PEPD: variants seen among roughly 807,000 people sequenced by gnomAD.
PEPD encodes the protein xaa-Pro dipeptidase.
PEPD carries 53 observed loss-of-function variants against 60.7 expected under a neutral mutation model. The ratio of observed to expected loss-of-function variants is 0.87; its 90% CI spans 0.70 to 1.10. PEPD has a LOEUF of 1.10. PEPD is among the 50% of genes least tolerant of loss of function. PEPD has a pLI of 0.00. For synonymous variants in PEPD, 267 were observed against 284.1 expected, an observed-to-expected ratio of 0.94 and a Z score of 0.60; for missense variants, 711 against 711.9, an observed-to-expected ratio of 1.00 and a Z score of 0.01.
At chr19:33,395,424 C>A (rs979905738) in intron 12 of PEPD, among the ~76,000 whole-genome samples, 1 of 152,202 alleles carries the variant, frequency 6.6e-6, no homozygotes. Context: ...ATCCCCCACT[C>A]CTCTGTGTAC....
At chr19:33,421,391 C>T (rs893953951) in intron 9 of PEPD, among the ~76,000 whole-genome samples, 3 of 152,224 alleles carry the variant, frequency 2.0e-5, no homozygotes, top group East Asian at 1.9e-4. Flanking sequence ...CAGCCTAGCC[C>T]GGTCCAGCGC....
At chr19:33,406,984 C>G (rs957513464) in intron 11 of PEPD, among the ~76,000 whole-genome samples, 9 of 152,182 alleles carry the variant, frequency 5.9e-5, no homozygotes, top group Non-Finnish European at 1.3e-4. Context: ...AGGGGTGAGG[C>G]CTGGCCCATC....
At position 33,406,841 on chromosome 19, in the gene PEPD, T is replaced by C. The variant is rs117590587; in HGVS notation, c.818+4831A>G. On this transcript the variant is annotated intron_variant, in intron 11 of 14. Coordinates refer to ENST00000244137, the MANE Select transcript of PEPD (RefSeq NM_000285.4). ...GCCTGCAGGGTCGAGGTCTCGCCATTATCTAGCCAGGGAAGGAGGGGAAGA... is the reference window on the plus strand; with the variant it reads ...GCCTGCAGGGTCGAGGTCTCGCCATCATCTAGCCAGGGAAGGAGGGGAAGA... 5.5e-3 allele frequency among the ~76,000 whole-genome samples: 831 copies of C among 152,082 alleles called. 49 individuals are homozygous for C. In the East Asian group the frequency reaches 0.14, roughly 26 times the overall value.
At chr19:33,465,596 G>A (rs539684264) in intron 7 of PEPD, among the ~76,000 whole-genome samples, 1 of 152,202 alleles carries the variant, frequency 6.6e-6, no homozygotes, top group Non-Finnish European at 1.5e-5. Flanking sequence ...CGCAGCCCAA[G>A]CCTGCTCCCT....
chr19:33,443,100 C>T (rs1267050061), intron 9 of PEPD, among the ~76,000 whole-genome samples: 4 of 152,360 alleles, frequency 2.6e-5, no homozygotes, highest in East Asian at 3.9e-4. Flanking sequence ...TTCTCCCCCA[C>T]GGTCCTGGAA....
At chr19:33,500,200 G>A (rs1291321124) in intron 4 of PEPD, among the ~76,000 whole-genome samples, 5 of 152,354 alleles carry the variant, frequency 3.3e-5, no homozygotes, top group Middle Eastern at 3.4e-3. Flanking sequence ...TGCACAGGAC[G>A]TGGGGTTGTG....
At chr19:33,498,244 C>T (rs994231050) in intron 4 of PEPD, among the ~76,000 whole-genome samples, 1 of 152,128 alleles carries the variant, frequency 6.6e-6, no homozygotes. Context: ...TGACGGGGTG[C>T]GGTGGGGTGC....
intron 13 of PEPD, among the ~76,000 whole-genome samples, chr19:33,390,544 G>A (rs1237685460): frequency 2.0e-5 from 3 of 152,194 alleles, no homozygotes; most frequent in Admixed American, 6.5e-5. Context: ...GCCCCAGGGC[G>A]TGCACGATTG....
chr19:33,407,416 G>C (rs1300476701), intron 11 of PEPD, among the ~76,000 whole-genome samples: 1 of 152,184 alleles, frequency 6.6e-6, no homozygotes, highest in Non-Finnish European at 1.5e-5. Context: ...GTGGAAGGAG[G>C]GGGCAGCACA....
At chr19:33,391,619 A>C in intron 12 of PEPD, 140 bp from the exon 13 acceptor site, 1 of 777,336 alleles carries the variant, frequency 1.3e-6, no homozygotes, top group Non-Finnish European at 2.2e-6. Flanking sequence ...AGGGTACTAC[A>C]TCGGGGGCCC....
At chr19:33,488,648 G>C (rs960109479) in intron 6 of PEPD, among the ~76,000 whole-genome samples, 1 of 152,148 alleles carries the variant, frequency 6.6e-6, no homozygotes, top group African/African-American at 2.4e-5. Flanking sequence ...AGGAGGACAC[G>C]AAGATCTGTG....
At chr19:33,496,189 G>A (rs1390128107) in intron 4 of PEPD, among the ~76,000 whole-genome samples, 2 of 152,182 alleles carry the variant, frequency 1.3e-5, no homozygotes, top group African/African-American at 4.8e-5. Context: ...AAAGCCAGGA[G>A]GCACTTGGGG....
At position 33,387,192 on chromosome 19, in the gene PEPD, G is replaced by GAAAC; in HGVS notation, c.*148_*151dup. The GAAAC allele has an allele frequency of 1.2e-6, 1 of 855,660 alleles. No homozygotes were observed. The highest frequency in any genetic ancestry group is 1.6e-5 in the South Asian group (1 of 62,802). 53.0% of individuals were successfully genotyped at this position (855,660 alleles called of 1,614,324 possible). On this transcript the variant is annotated 3_prime_UTR_variant, in exon 15 of 15. Transcript: ENST00000244137. ...AATTAAAAAAGTGTTTCCTCCCCGG[G>GAAAC]AAACAGCACTGTTTGGTCTGATCAA...
At position 33,394,249 on chromosome 19, in the gene PEPD, G is replaced by A. The variant is rs534512545; in HGVS notation, c.968-2770C>T. On this transcript the variant is annotated intron_variant, in intron 12 of 14. Coordinates refer to ENST00000244137, the MANE Select transcript of PEPD (RefSeq NM_000285.4). ...TCTCTGGTCACCAAAGGGGAGCCCC[G>A]GGAAGTGCAGCCAGCTTTCCAACCA... is the stretch of plus-strand genomic sequence containing the variant. Among the ~76,000 whole-genome samples the A allele has an allele frequency of 1.1e-4, 17 of 152,330 alleles. No individual in the cohort carries two copies. In the East Asian group the frequency reaches 1.4e-3, roughly 12 times the overall value.
Position 33,393,796 on chromosome 19 carries a change from C to T in PEPD, c.968-2317G>A, listed in dbSNP as rs541831136. On this transcript the variant is annotated intron_variant, in intron 12 of 14. Coordinates refer to ENST00000244137, the MANE Select transcript of PEPD (RefSeq NM_000285.4). The stretch of plus-strand genomic sequence containing the variant: ...CAGCCCGGACAATCCTGGCCCACCT[C>T]GCCCTTCCTCTCTGCTGCTGCATCC... Among the ~76,000 whole-genome samples the T allele has an allele frequency of 3.8e-4, 58 of 152,386 alleles. No homozygotes were observed. In the South Asian group the frequency reaches 0.011, roughly 29 times the overall value.
chr19:33,392,390 C>T (rs889123432), intron 12 of PEPD, among the ~76,000 whole-genome samples: 2 of 152,232 alleles, frequency 1.3e-5, no homozygotes, highest in Admixed American at 6.5e-5. Flanking sequence ...CAGCATCAGC[C>T]TCTCCTCATG....
At chr19:33,448,359 G>A (rs1969631618) in intron 9 of PEPD, among the ~76,000 whole-genome samples, 1 of 152,066 alleles carries the variant, frequency 6.6e-6, no homozygotes, top group African/African-American at 2.4e-5. Context: ...CTCCGAGGTG[G>A]GCGTCTGGTC....
At position 33,427,771 on chromosome 19, in the gene PEPD, A is replaced by G. The variant is rs938410915; in HGVS notation, c.672-14128T>C. Among the ~76,000 whole-genome samples, 9 of 152,332 alleles carry G rather than the reference A, an allele frequency of 5.9e-5. No homozygotes were observed. In the East Asian group the frequency reaches 1.2e-3, roughly 20 times the overall value. On this transcript the variant is annotated intron_variant, in intron 9 of 14. Coordinates refer to ENST00000244137, the MANE Select transcript of PEPD (RefSeq NM_000285.4). The stretch of plus-strand genomic sequence containing the variant: ...TAAATATACATTATACGAAGCCAAT[A>G]ATTAGAAGAATTTGTGCTTTTAATT...
chr19:33,388,224 C>T, intron 13 of PEPD, 143 bp from the exon 14 acceptor site: 1 of 744,332 alleles, frequency 1.3e-6, no homozygotes, highest in East Asian at 2.7e-5. Flanking sequence ...CTCGCCCCTG[C>T]TGTGCTGGGC....
Sources: gnomAD v4.1 joint callset for allele counts (sites outside exome capture counted in the v4.1 genomes callset) on GRCh38, gnomAD v4.1.1 for gene constraint, MANE v1.5 for transcripts, NCBI Gene and HGNC (gene_info 2026-07-23, HGNC 2026-07-21) for gene names.